SLC9A9: variants seen among roughly 807,000 people sequenced by gnomAD.
The protein encoded by SLC9A9 is solute carrier family 9 member A9, also known as sodium/hydrogen exchanger 9.
A neutral mutation model predicts 77.8 loss-of-function variants in SLC9A9; 62 were observed. The ratio of observed to expected loss-of-function variants is 0.80; its 90% CI spans 0.65 to 0.98. The LOEUF (loss-of-function observed/expected upper bound fraction) is 0.98, where lower values mean the gene tolerates loss of function less well. SLC9A9 is among the 50% of genes least tolerant of loss of function. The pLI is 0.00. For synonymous variants in SLC9A9, 320 were observed against 283.5 expected (o/e 1.13, Z -1.29); for missense variants, 775 against 774.9 (o/e 1.00, Z 0.00).
intron 14 of SLC9A9, among the ~76,000 whole-genome samples, chr3:143,286,325 C>A (rs1197518415): frequency 1.3e-5 from 2 of 152,122 alleles, no homozygotes; most frequent in Non-Finnish European, 2.9e-5. Flanking sequence ...TTTGGTAAAG[C>A]CTTGGGCTGG....
intron 9 of SLC9A9, among the ~76,000 whole-genome samples, chr3:143,516,171 A>G (rs1413566946): frequency 6.6e-6 from 1 of 152,084 alleles, no homozygotes; most frequent in African/African-American, 2.4e-5. Flanking sequence ...TGTACACGAC[A>G]TGTTCTTACT....
At chr3:143,763,778 A>C (rs574728026) in intron 4 of SLC9A9, among the ~76,000 whole-genome samples, 2 of 151,620 alleles carry the variant, frequency 1.3e-5, no homozygotes, top group African/African-American at 2.4e-5. Context: ...ATCTCCATCT[A>C]GTGGAATCTT....
At chr3:143,714,897 C>T (rs903221501) in intron 4 of SLC9A9, among the ~76,000 whole-genome samples, 4 of 152,118 alleles carry the variant, frequency 2.6e-5, no homozygotes, top group South Asian at 2.1e-4. Flanking sequence ...GGGAGGGACC[C>T]GGTGGGAGGT....
intron 11 of SLC9A9, among the ~76,000 whole-genome samples, chr3:143,470,935 T>G (rs1346429417): frequency 6.6e-6 from 1 of 152,196 alleles, no homozygotes; most frequent in Non-Finnish European, 1.5e-5. Flanking sequence ...TATCTATATA[T>G]AGAACATCTA....
intron 12 of SLC9A9, among the ~76,000 whole-genome samples, chr3:143,422,097 C>A (rs1329752911): frequency 1.3e-5 from 2 of 152,064 alleles, no homozygotes; most frequent in African/African-American, 4.8e-5. Context: ...AAAAACAAAA[C>A]AGATGCTGGC....
Position 143,578,739 on chromosome 3 carries a change from G to C in SLC9A9, c.756-16C>G. ...GGATATAGAACTGAAAAGAGAAGAG[G>C]GTGGAGGTTAGTTAGTGACTTTCAT... is the stretch of plus-strand genomic sequence containing the variant. On this transcript the variant is annotated splice_polypyrimidine_tract_variant and intron_variant, in intron 6 of 15. Coordinates refer to ENST00000316549, the MANE Select transcript of SLC9A9 (RefSeq NM_173653.4). The C allele has an allele frequency of 6.2e-7, 1 of 1,613,802 alleles. No homozygotes were observed.
chr3:143,307,004 C>A (rs1288549036), intron 14 of SLC9A9, among the ~76,000 whole-genome samples: 4 of 152,228 alleles, frequency 2.6e-5, no homozygotes, highest in Non-Finnish European at 5.9e-5. Flanking sequence ...GTCCTCCCCA[C>A]TCTCTGTCCG....
chr3:143,566,470 T>C (rs1005904493), intron 8 of SLC9A9, among the ~76,000 whole-genome samples: 1 of 152,122 alleles, frequency 6.6e-6, no homozygotes. Context: ...TCCCACACTT[T>C]CATTTTTTTT....
At chr3:143,292,043 C>A (rs1482342285) in intron 14 of SLC9A9, among the ~76,000 whole-genome samples, 1 of 152,178 alleles carries the variant, frequency 6.6e-6, no homozygotes, top group Non-Finnish European at 1.5e-5. Context: ...CTGGGCTTGT[C>A]CTGGTCTAAC....
At chr3:143,603,320 A>G (rs1424886980) in intron 6 of SLC9A9, among the ~76,000 whole-genome samples, 2 of 152,240 alleles carry the variant, frequency 1.3e-5, no homozygotes, top group East Asian at 1.9e-4. Flanking sequence ...ATGGCCCTCA[A>G]TGATCCCTGA....
At chr3:143,637,784 T>C (rs2038550255) in intron 6 of SLC9A9, among the ~76,000 whole-genome samples, 1 of 152,162 alleles carries the variant, frequency 6.6e-6, no homozygotes, top group Non-Finnish European at 1.5e-5. Context: ...TGCTCATTGG[T>C]ATAAAACTAG....
At chr3:143,785,793 G>C (rs1274823389) in intron 4 of SLC9A9, among the ~76,000 whole-genome samples, 3 of 150,686 alleles carry the variant, frequency 2.0e-5, no homozygotes, top group Non-Finnish European at 3.0e-5. Context: ...GACTATGTCT[G>C]AGGGTACTGA....
At chr3:143,542,499 G>A (rs570075262) in intron 9 of SLC9A9, among the ~76,000 whole-genome samples, 4 of 152,090 alleles carry the variant, frequency 2.6e-5, no homozygotes, top group Non-Finnish European at 4.4e-5. Context: ...GACTGCTTTT[G>A]TTAAAAGAAA....
intron 2 of SLC9A9, among the ~76,000 whole-genome samples, chr3:143,827,222 C>T (rs559161320): frequency 2.0e-5 from 3 of 152,224 alleles, no homozygotes; most frequent in South Asian, 2.1e-4. Flanking sequence ...GATGTAGGCC[C>T]TAAAGGGTTA....
intron 10 of SLC9A9, 88 bp downstream of exon 10, chr3:143,495,247 T>C (rs2035812653): frequency 8.7e-7 from 1 of 1,145,234 alleles, no homozygotes. Flanking sequence ...TTTAGGAAAG[T>C]GCTTTAATGA....
intron 9 of SLC9A9, among the ~76,000 whole-genome samples, chr3:143,516,569 A>G (rs1481932460): frequency 2.6e-5 from 4 of 152,156 alleles, no homozygotes; most frequent in African/African-American, 9.6e-5. Context: ...TATCGTATTT[A>G]TTTTATAAAA....
At chr3:143,334,826 C>T (rs2031876042) in intron 14 of SLC9A9, among the ~76,000 whole-genome samples, 1 of 152,022 alleles carries the variant, frequency 6.6e-6, no homozygotes, top group Non-Finnish European at 1.5e-5. Flanking sequence ...AATGAGAAGA[C>T]TATGTAATGC....
intron 12 of SLC9A9, among the ~76,000 whole-genome samples, chr3:143,457,634 C>T (rs2035117968): frequency 6.6e-6 from 1 of 152,018 alleles, no homozygotes. Flanking sequence ...TAGCTGTATT[C>T]CACAAATTTT....
chr3:143,543,795 T>C (rs62269776), intron 9 of SLC9A9, among the ~76,000 whole-genome samples: 2 of 149,496 alleles, frequency 1.3e-5, no homozygotes, highest in Middle Eastern at 6.8e-3. Context: ...CCACTGTTGA[T>C]GGACACCTAG....
Sources: allele counts gnomAD v4.1 joint callset (sites outside exome capture counted in the v4.1 genomes callset), GRCh38; gene constraint gnomAD v4.1.1; transcripts MANE v1.5; gene names NCBI Gene and HGNC (gene_info 2026-07-23, HGNC 2026-07-21).